The following KCNC2 variants were observed in gnomAD, a reference collection of about 807,000 sequenced individuals.
The protein encoded by KCNC2 is voltage-gated potassium channel KCNC2.
KCNC2 carries 21 observed loss-of-function variants against 44.5 expected under a neutral mutation model. That is an observed-to-expected ratio of 0.47 (90% CI 0.33 to 0.68). KCNC2 has a LOEUF of 0.68. Among genes scored for constraint, KCNC2 ranks in the 30% least tolerant of loss-of-function variants. The pLI is 0.01. For missense variants in KCNC2, 589 were observed against 826.2 expected (o/e 0.71, Z 3.52); for synonymous variants, 391 against 339.1 (o/e 1.15, Z -1.68).
chr12:75,137,703 C>G (rs930427869), intron 2 of KCNC2, among the ~76,000 whole-genome samples: 1 of 152,042 alleles, frequency 6.6e-6, no homozygotes, highest in Non-Finnish European at 1.5e-5. Context: ...TCAATATGAC[C>G]TTTAAAACAA....
At chr12:75,123,095 A>T (rs1888156102) in intron 2 of KCNC2, among the ~76,000 whole-genome samples, 1 of 152,126 alleles carries the variant, frequency 6.6e-6, no homozygotes, top group South Asian at 2.1e-4. Context: ...AATGAAATAA[A>T]GATTGGAATA....
intron 2 of KCNC2, among the ~76,000 whole-genome samples, chr12:75,068,933 G>A (rs982162600): frequency 1.8e-4 from 28 of 152,046 alleles, no homozygotes; most frequent in African/African-American, 5.8e-4. Context: ...TAGAAGGAAG[G>A]TCTGTTGTCA....
In KCNC2 at chr12:75,127,336, G is replaced by T. The variant is rs535774609; in HGVS notation, c.688-76019C>A. On this transcript the variant is annotated intron_variant, in intron 2 of 4. Transcript: ENST00000549446. ...CTGCTGACAAGAAGAGAAAAAGGAGGTTGATATTTAAGGAAAATTGCCTAT... is the reference window on the plus strand; with the variant it reads ...CTGCTGACAAGAAGAGAAAAAGGAGTTTGATATTTAAGGAAAATTGCCTAT... 1.2e-4 allele frequency among the ~76,000 whole-genome samples: 19 copies of T among 152,250 alleles called. No individual in the cohort carries two copies. In the East Asian group the frequency reaches 1.9e-3, roughly 15 times the overall value.
intron 4 of KCNC2, chr12:75,043,577 G>C: frequency 8.3e-7 from 1 of 1,210,818 alleles, no homozygotes; most frequent in Non-Finnish European, 1.1e-6. Flanking sequence ...ATATAAGCTT[G>C]ACTAATATTT....
intron 3 of KCNC2, among the ~76,000 whole-genome samples, chr12:75,050,007 G>A (rs1406394673): frequency 6.6e-6 from 1 of 151,934 alleles, no homozygotes; most frequent in African/African-American, 2.4e-5. Context: ...AACACACCAA[G>A]CCAAACGATA....
At chr12:75,136,621 A>G (rs1379274049) in intron 2 of KCNC2, among the ~76,000 whole-genome samples, 2 of 152,164 alleles carry the variant, frequency 1.3e-5, no homozygotes, top group Non-Finnish European at 2.9e-5. Context: ...ATGAACCAGG[A>G]AGAACTATAA....
chr12:75,188,166 C>A (rs1227658888), intron 2 of KCNC2, among the ~76,000 whole-genome samples: 1 of 152,150 alleles, frequency 6.6e-6, no homozygotes, highest in African/African-American at 2.4e-5. Flanking sequence ...TGTCAGTGTG[C>A]TACTGGATGG....
chr12:75,206,102 T>C (rs1408593263), intron 2 of KCNC2, among the ~76,000 whole-genome samples: 1 of 152,182 alleles, frequency 6.6e-6, no homozygotes, highest in East Asian at 1.9e-4. Context: ...GCACATCTTC[T>C]GACAAATTAG....
At chr12:75,047,545 G>A (rs184901252) in intron 4 of KCNC2, among the ~76,000 whole-genome samples, 2 of 152,044 alleles carry the variant, frequency 1.3e-5, no homozygotes, top group South Asian at 4.1e-4. Flanking sequence ...TGGTCCTGAA[G>A]AAAAATTCTG....
chr12:75,105,953 G>T (rs1175933990), intron 2 of KCNC2, among the ~76,000 whole-genome samples: 1 of 151,538 alleles, frequency 6.6e-6, no homozygotes, highest in Admixed American at 6.6e-5. Context: ...CTTATAGAGA[G>T]AGAGATTGAG....
At chr12:75,099,748 A>G (rs1449120768) in intron 2 of KCNC2, among the ~76,000 whole-genome samples, 1 of 152,158 alleles carries the variant, frequency 6.6e-6, no homozygotes, top group African/African-American at 2.4e-5. Context: ...ATTAATAAAC[A>G]AACAAAATAT....
At position 75,041,006 on chromosome 12, in the gene KCNC2, A is replaced by C; in HGVS notation, c.*2099T>G. 1.1e-6 allele frequency: 1 copy of C among 899,950 alleles called. No individual in the cohort carries two copies. Among genetic ancestry groups the C allele is most frequent in the African/African-American group, 1.6e-5 (1 of 61,396 alleles). The allele number at this position is 899,950 out of a possible 1,614,324, so 55.7% of individuals were successfully genotyped here. A position where few individuals can be genotyped will look rare whatever the true frequency, so the allele number is the denominator to read the frequency against. On this transcript the variant is annotated 3_prime_UTR_variant, in exon 5 of 5. Coordinates refer to ENST00000549446, the MANE Select transcript of KCNC2 (RefSeq NM_139137.4). ...CTACAAGCAGAGCACTCTCATGGGG[A>C]GCACCAGATGAGTTCCAGCCGCAGT...
At chr12:75,153,423 A>G (rs1279622460) in intron 2 of KCNC2, among the ~76,000 whole-genome samples, 16 of 152,042 alleles carry the variant, frequency 1.1e-4, no homozygotes. Flanking sequence ...TAATGTGTAC[A>G]CATGGATAGA....
At chr12:75,203,895 G>A (rs1174589234) in intron 2 of KCNC2, among the ~76,000 whole-genome samples, 1 of 151,728 alleles carries the variant, frequency 6.6e-6, no homozygotes, top group African/African-American at 2.4e-5. Flanking sequence ...CTCTATCAAG[G>A]AATTTCTGCT....
At chr12:75,184,883 T>C (rs1246663336) in intron 2 of KCNC2, among the ~76,000 whole-genome samples, 1 of 152,224 alleles carries the variant, frequency 6.6e-6, no homozygotes, top group Non-Finnish European at 1.5e-5. Flanking sequence ...TGGTGGTTAC[T>C]TGCCTACTCC....
intron 2 of KCNC2, among the ~76,000 whole-genome samples, chr12:75,142,696 C>A (rs1056193973): frequency 3.6e-4 from 55 of 152,132 alleles, no homozygotes; most frequent in African/African-American, 1.2e-3. Flanking sequence ...TGGCTAAGGG[C>A]CTCAGCTCCT....
chr12:75,190,432 G>C (rs1448944239), intron 2 of KCNC2, among the ~76,000 whole-genome samples: 1 of 152,132 alleles, frequency 6.6e-6, no homozygotes, highest in East Asian at 1.9e-4. Flanking sequence ...ACAATCAAAG[G>C]TTATGCTTTC....
intron 2 of KCNC2, among the ~76,000 whole-genome samples, chr12:75,192,122 GA>G (rs1484146420): frequency 6.6e-6 from 1 of 152,124 alleles, no homozygotes; most frequent in Non-Finnish European, 1.5e-5. Flanking sequence ...ATAGAATGTG[GA>G]AAAATTCACC....
At chr12:75,167,255 C>T (rs1389150172) in intron 2 of KCNC2, among the ~76,000 whole-genome samples, 1 of 151,118 alleles carries the variant, frequency 6.6e-6, no homozygotes, top group Non-Finnish European at 1.5e-5. Context: ...TTTTTATTAT[C>T]TTTAATTTTA....
Sources: allele counts gnomAD v4.1 joint callset (sites outside exome capture counted in the v4.1 genomes callset), GRCh38; gene constraint gnomAD v4.1.1; transcripts MANE v1.5; gene names NCBI Gene and HGNC (gene_info 2026-07-23, HGNC 2026-07-21).